Variants in RBFOX1 observed in about 807,000 individuals in gnomAD.
The protein encoded by RBFOX1 is RNA binding fox-1 homolog 1.
Under a neutral mutation model 57.7 loss-of-function variants are expected in RBFOX1, and 8 were observed. The ratio of observed to expected loss-of-function variants is 0.14; its 90% confidence interval spans 0.08 to 0.25. The LOEUF (loss-of-function observed/expected upper bound fraction) is 0.25. Ranked by LOEUF, RBFOX1 falls within the 10% of genes least tolerant of loss-of-function variation. The pLI is 1.00. For missense variants in RBFOX1, 611 were observed against 548.5 expected (o/e 1.11, Z -1.14); for synonymous variants, 326 against 222.4 (o/e 1.47, Z -4.15).
At chr16:5,727,290 A>G (rs1296006211) in intron 3 of RBFOX1, among the ~76,000 whole-genome samples, 1 of 152,180 alleles carries the variant, frequency 6.6e-6, no homozygotes, top group Non-Finnish European at 1.5e-5. Flanking sequence ...ATGAAAAACA[A>G]ACAAACAAAT....
chr16:7,161,850 G>T (rs560907836), intron 4 of RBFOX1, among the ~76,000 whole-genome samples: 42 of 152,338 alleles, frequency 2.8e-4, no homozygotes, highest in African/African-American at 9.9e-4. Context: ...GACAGAACAC[G>T]TTCAATTGAT....
At chr16:6,961,770 C>T (rs1025468194) in intron 3 of RBFOX1, among the ~76,000 whole-genome samples, 3 of 152,146 alleles carry the variant, frequency 2.0e-5, no homozygotes, top group Non-Finnish European at 2.9e-5. Context: ...ATTGTCATGG[C>T]ACTAGTGAGA....
intron 3 of RBFOX1, among the ~76,000 whole-genome samples, chr16:6,863,327 A>C (rs1403363922): frequency 6.6e-6 from 1 of 152,108 alleles, no homozygotes; most frequent in Non-Finnish European, 1.5e-5. Context: ...GAATGGGTAG[A>C]GACAAAACGT....
chr16:6,447,279 C>A (rs889653699), intron 2 of RBFOX1, among the ~76,000 whole-genome samples: 1 of 152,080 alleles, frequency 6.6e-6, no homozygotes, highest in African/African-American at 2.4e-5. Context: ...CTGTGGCCAT[C>A]GGTGAAAGGG....
intron 4 of RBFOX1, among the ~76,000 whole-genome samples, chr16:7,496,973 G>A (rs2068876480): frequency 6.6e-6 from 1 of 152,052 alleles, no homozygotes. Flanking sequence ...GTGCTTCTCT[G>A]TCTCCACTTG....
chr16:7,564,805 T>C (rs568992456), intron 5 of RBFOX1, among the ~76,000 whole-genome samples: 1 of 148,286 alleles, frequency 6.7e-6, no homozygotes, highest in East Asian at 2.0e-4. Context: ...CCTATTTTTT[T>C]CCCAAGGAAT....
At chr16:6,554,671 A>G (rs1160138672) in intron 2 of RBFOX1, among the ~76,000 whole-genome samples, 2 of 152,072 alleles carry the variant, frequency 1.3e-5, no homozygotes, top group African/African-American at 4.8e-5. Flanking sequence ...CTTGTCCATC[A>G]GTCACTGAAA....
intron 3 of RBFOX1, among the ~76,000 whole-genome samples, chr16:6,663,938 A>T (rs1213677939): frequency 6.6e-6 from 1 of 152,298 alleles, no homozygotes; most frequent in African/African-American, 2.4e-5. Flanking sequence ...GCTAGAGATA[A>T]AGCTCAAAGC....
intron 4 of RBFOX1, among the ~76,000 whole-genome samples, chr16:5,973,593 G>T (rs964309684): frequency 6.6e-6 from 1 of 152,186 alleles, no homozygotes; most frequent in African/African-American, 2.4e-5. Context: ...TTTTGTGTCA[G>T]GTTGACTAGG....
At chr16:5,945,598 G>C (rs2059385646) in intron 4 of RBFOX1, among the ~76,000 whole-genome samples, 1 of 152,214 alleles carries the variant, frequency 6.6e-6, no homozygotes, top group East Asian at 1.9e-4. Flanking sequence ...GCCTCAGAGA[G>C]ATTAATAACT....
intron 1 of RBFOX1, among the ~76,000 whole-genome samples, chr16:5,367,964 C>T (rs1006298422): frequency 1.3e-5 from 2 of 152,176 alleles, no homozygotes. Flanking sequence ...GTTTCCCGTT[C>T]CTTATTCCAA....
intron 2 of RBFOX1, among the ~76,000 whole-genome samples, chr16:5,558,090 C>G (rs931971612): frequency 3.3e-5 from 5 of 152,172 alleles, no homozygotes; most frequent in Admixed American, 3.3e-4. Flanking sequence ...TTCTGAGAGC[C>G]ACTCCCATCA....
At chr16:6,513,182 C>T (rs2096289092) in intron 2 of RBFOX1, among the ~76,000 whole-genome samples, 1 of 152,174 alleles carries the variant, frequency 6.6e-6, no homozygotes, top group Non-Finnish European at 1.5e-5. Flanking sequence ...TCTGTAAACT[C>T]ATGAGAGTAA....
At position 5,362,077 on chromosome 16, in the gene RBFOX1, A is replaced by T. The variant is rs184809046; in HGVS notation, c.220-105139A>T. 2.0e-4 allele frequency among the ~76,000 whole-genome samples: 31 copies of T among 152,364 alleles called. 2 individuals carry two copies. In the East Asian group the frequency reaches 6.0e-3, roughly 29 times the overall value. ...AATTGTAGTAAGAACATTTAACTTA[A>T]TATTGAACATGAGATCTGTCATCTC... On this transcript the variant is annotated intron_variant, in intron 1 of 2. Transcript: ENST00000585867.
At chr16:6,778,815 A>G (rs1432250367) in intron 3 of RBFOX1, among the ~76,000 whole-genome samples, 1 of 152,040 alleles carries the variant, frequency 6.6e-6, no homozygotes, top group Non-Finnish European at 1.5e-5. Context: ...TTGAACCAAT[A>G]AAACCTATCA....
intron 11 of RBFOX1, among the ~76,000 whole-genome samples, chr16:7,642,344 T>C (rs754009125): frequency 1.3e-5 from 2 of 152,106 alleles, no homozygotes; most frequent in Non-Finnish European, 2.9e-5. Flanking sequence ...AAGCTGATGC[T>C]CAAAATCAGA....
intron 3 of RBFOX1, among the ~76,000 whole-genome samples, chr16:6,798,601 T>G (rs986794889): frequency 6.6e-6 from 1 of 152,216 alleles, no homozygotes; most frequent in African/African-American, 2.4e-5. Flanking sequence ...AAGACACATA[T>G]ATCTGTGCTT....
intron 9 of RBFOX1, among the ~76,000 whole-genome samples, chr16:7,600,108 A>G (rs1171149234): frequency 6.6e-6 from 1 of 152,162 alleles, no homozygotes; most frequent in Non-Finnish European, 1.5e-5. Flanking sequence ...TTTGGCATGC[A>G]CATCCCATGT....
At chr16:7,338,238 T>G (rs1473952663) in intron 4 of RBFOX1, among the ~76,000 whole-genome samples, 1 of 150,270 alleles carries the variant, frequency 6.7e-6, no homozygotes, top group Non-Finnish European at 1.5e-5. Flanking sequence ...TCATTTACCG[T>G]TTCTATGCCT....
Sources: gnomAD v4.1 joint callset for allele counts (sites outside exome capture counted in the v4.1 genomes callset) on GRCh38, gnomAD v4.1.1 for gene constraint, MANE v1.5 for transcripts, NCBI Gene and HGNC (gene_info 2026-07-23, HGNC 2026-07-21) for gene names.